Variants in RBFOX1 observed in about 807,000 individuals in gnomAD.
The protein encoded by RBFOX1 is RNA binding protein fox-1 homolog 1.
RBFOX1 carries 8 observed loss-of-function variants against 57.7 expected under a neutral mutation model. The observed-to-expected ratio is 0.14, with a 90% confidence interval of 0.08 to 0.25. RBFOX1 has a LOEUF of 0.25. RBFOX1 is among the 10% of genes least tolerant of loss of function. The pLI, the probability that RBFOX1 is intolerant of heterozygous loss-of-function variation, is 1.00. For synonymous variants in RBFOX1, 326 were observed against 222.4 expected (o/e 1.47, Z -4.15); for missense variants, 611 against 548.5 (o/e 1.11, Z -1.14).
intron 5 of RBFOX1, among the ~76,000 whole-genome samples, chr16:7,546,878 C>T (rs1014944106): frequency 9.9e-5 from 15 of 152,080 alleles, no homozygotes; most frequent in Non-Finnish European, 1.8e-4. Context: ...TGCACACTAC[C>T]GTGATTGTTT....
chr16:6,219,460 A>G (rs527635798), intron 1 of RBFOX1, among the ~76,000 whole-genome samples: 1 of 152,268 alleles, frequency 6.6e-6, no homozygotes, highest in African/African-American at 2.4e-5. Context: ...AAAAGTAGAA[A>G]ATATGTCTCG....
At chr16:5,309,535 G>C (rs563864600) in intron 1 of RBFOX1, among the ~76,000 whole-genome samples, 104 of 152,106 alleles carry the variant, frequency 6.8e-4, no homozygotes, top group Non-Finnish European at 9.4e-4. Flanking sequence ...ATAAACTTAG[G>C]GGGTACAAGT....
intron 3 of RBFOX1, among the ~76,000 whole-genome samples, chr16:6,792,477 A>T (rs1278365109): frequency 6.6e-6 from 1 of 152,174 alleles, no homozygotes; most frequent in Non-Finnish European, 1.5e-5. Flanking sequence ...GGGTGAGATG[A>T]ATTCCATATT....
At chr16:5,897,144 T>C (rs1162677287) in intron 4 of RBFOX1, among the ~76,000 whole-genome samples, 6 of 148,832 alleles carry the variant, frequency 4.0e-5, no homozygotes, top group Non-Finnish European at 5.9e-5. Context: ...CAAGCGATTC[T>C]CCCGCCTCAG....
chr16:7,605,560 G>T (rs1170654777), intron 9 of RBFOX1, among the ~76,000 whole-genome samples: 5 of 152,094 alleles, frequency 3.3e-5, no homozygotes, highest in African/African-American at 1.2e-4. Context: ...TCTGGATTTC[G>T]ATAGACATAC....
chr16:6,563,252 T>G (rs1239307322), intron 2 of RBFOX1, among the ~76,000 whole-genome samples: 2 of 152,194 alleles, frequency 1.3e-5, no homozygotes, highest in Admixed American at 6.5e-5. Flanking sequence ...GCAACACGCA[T>G]GAGATTTAGA....
intron 2 of RBFOX1, among the ~76,000 whole-genome samples, chr16:6,455,408 A>C (rs1455822284): frequency 6.6e-6 from 1 of 152,176 alleles, no homozygotes; most frequent in Non-Finnish European, 1.5e-5. Context: ...TGCAGAGAGA[A>C]GGCATTTCCT....
intron 3 of RBFOX1, among the ~76,000 whole-genome samples, chr16:6,881,852 T>TG (rs2063002174): frequency 7.1e-6 from 1 of 140,056 alleles, no homozygotes; most frequent in African/African-American, 2.8e-5. Context: ...AAACTGAGGC[T>TG]GAAAAATCTT....
chr16:5,775,692 G>A (rs1249498416), intron 3 of RBFOX1, among the ~76,000 whole-genome samples: 1 of 152,168 alleles, frequency 6.6e-6, no homozygotes, highest in African/African-American at 2.4e-5. Flanking sequence ...TGAAAACCAT[G>A]GGTTTGATAC....
At chr16:6,232,616 C>G (rs1023610448) in intron 1 of RBFOX1, among the ~76,000 whole-genome samples, 2 of 152,140 alleles carry the variant, frequency 1.3e-5, no homozygotes, top group African/African-American at 4.8e-5. Flanking sequence ...AAAAGTATTT[C>G]TATAGTGTGA....
At chr16:5,323,700 C>A (rs186245456) in intron 1 of RBFOX1, among the ~76,000 whole-genome samples, 1 of 152,348 alleles carries the variant, frequency 6.6e-6, no homozygotes, top group East Asian at 1.9e-4. Context: ...CTTCAAAAGC[C>A]AGCTGATGAG....
intron 3 of RBFOX1, among the ~76,000 whole-genome samples, chr16:5,728,142 G>C (rs1032892164): frequency 7.9e-5 from 12 of 152,210 alleles, no homozygotes; most frequent in African/African-American, 2.9e-4. Context: ...ATCTCAAAGA[G>C]ATATCTGTGT....
chr16:6,485,367 T>A (rs189666327), intron 2 of RBFOX1, among the ~76,000 whole-genome samples: 1 of 152,140 alleles, frequency 6.6e-6, no homozygotes, highest in Non-Finnish European at 1.5e-5. Flanking sequence ...CTCTTCTCTC[T>A]CTTGGTCTCC....
intron 1 of RBFOX1, among the ~76,000 whole-genome samples, chr16:5,434,614 C>G (rs2067859664): frequency 6.6e-6 from 1 of 152,176 alleles, no homozygotes; most frequent in South Asian, 2.1e-4. Context: ...CCACCATGCC[C>G]AGCCTTGTTG....
chr16:7,498,651 G>A (rs758083680), intron 4 of RBFOX1, among the ~76,000 whole-genome samples: 3 of 152,014 alleles, frequency 2.0e-5, no homozygotes, highest in Non-Finnish European at 2.9e-5. Context: ...CTTGTATGAC[G>A]TCTCTGAAAT....
chr16:7,058,923 A>T (rs1364471204), intron 4 of RBFOX1, among the ~76,000 whole-genome samples: 1 of 152,204 alleles, frequency 6.6e-6, no homozygotes, highest in South Asian at 2.1e-4. Context: ...GTGATACTGG[A>T]ATGCAAATGA....
rs144694886 is a variant in RBFOX1 at position 6,977,891 on chromosome 16, T to G, written c.-15-74166T>G. On this transcript the variant is annotated intron_variant, in intron 3 of 15. Coordinates refer to ENST00000550418, the MANE Select transcript of RBFOX1 (RefSeq NM_018723.4). ...AGAAACACGTGAGCTGAGGGGACTC[T>G]CTAGGGAGATCCCAAGAGGAAACTG... 1.9e-3 allele frequency among the ~76,000 whole-genome samples: 271 copies of G among 141,920 alleles called. 2 individuals are homozygous for G. The highest frequency in any genetic ancestry group is 7.7e-3 in the African/African-American group (269 of 35,016). 93.1% of individuals were successfully genotyped at this position (141,920 alleles called of 152,430 possible).
At chr16:6,641,620 A>G (rs1341537849) in intron 2 of RBFOX1, among the ~76,000 whole-genome samples, 1 of 151,840 alleles carries the variant, frequency 6.6e-6, no homozygotes, top group Non-Finnish European at 1.5e-5. Context: ...CTGTAATCCC[A>G]GCTACTCAAG....
chr16:7,059,963 T>A (rs2053737279), intron 4 of RBFOX1, among the ~76,000 whole-genome samples: 1 of 152,200 alleles, frequency 6.6e-6, no homozygotes, highest in Non-Finnish European at 1.5e-5. Flanking sequence ...ATTATTTTGC[T>A]TAGCTGTGGG....
Sources: allele counts gnomAD v4.1 joint callset (sites outside exome capture counted in the v4.1 genomes callset), GRCh38; gene constraint gnomAD v4.1.1; transcripts MANE v1.5; gene names NCBI Gene and HGNC (gene_info 2026-07-23, HGNC 2026-07-21).